The following ATXN2 variants were observed in gnomAD, a reference collection of about 807,000 sequenced individuals.
ATXN2 encodes the protein ataxin 2.
In ATXN2, 37 loss-of-function variants were observed where a neutral mutation model predicts 138.6. The ratio of observed to expected loss-of-function variants is 0.27; its 90% CI spans 0.21 to 0.35. The LOEUF (loss-of-function observed/expected upper bound fraction) is 0.35, where lower values mean the gene tolerates loss of function less well. ATXN2 is among the 10% of genes least tolerant of loss of function. The pLI, the probability that ATXN2 is intolerant of heterozygous loss-of-function variation, is 1.00. For missense variants in ATXN2, 1,216 were observed against 1,480.3 expected (o/e 0.82, Z 2.93); for synonymous variants, 549 against 543.7 (o/e 1.01, Z -0.13).
chr12:111,514,358 T>C (rs547339888), intron 10 of ATXN2, among the ~76,000 whole-genome samples: 11 of 152,264 alleles, frequency 7.2e-5, no homozygotes, highest in Non-Finnish European at 2.9e-5. Context: ...ATTAGACCAA[T>C]CTATCAGGTA....
Position 111,518,326 on chromosome 12 carries a change from G to A in ATXN2, c.1088C>T (p.Ser363Phe). Residue 363 changes from serine (S) to phenylalanine (F), a missense_variant, in exon 9 of 25, where the codon TCC becomes TTC. Physicochemically the swap from Ser to Phe is radical, Grantham distance 155. Around this residue, in one of 4 missense-constraint regions of ATXN2, gnomAD observed 401 missense variants for 528.1 expected, o/e 0.76. Coordinates refer to ENST00000673436, the MANE Select transcript of ATXN2 (RefSeq NM_001372574.1). Reference protein sequence around the residue: ...SPRMGQPGSGSMPSRSTSHTS... With the variant: ...SPRMGQPGSGFMPSRSTSHTS... ...GTGAGAAGTGGATCTTGATGGCATG[G>A]AGCCCGATCCAGGCTGGCCCATACG... 3.1e-6 allele frequency: 5 copies of A among 1,613,210 alleles called. No individual in the cohort carries two copies. The highest frequency in any genetic ancestry group is 4.2e-6 in the Non-Finnish European group (5 of 1,179,422).
intron 5 of ATXN2, 91 bp from the exon 6 acceptor site, chr12:111,525,407 A>G (rs1198213851): frequency 7.8e-6 from 10 of 1,284,910 alleles, no homozygotes; most frequent in Non-Finnish European, 1.0e-5. Context: ...ATATGTTAAA[A>G]AACAATTACG....
rs991132059 is a variant in ATXN2, at chr12:111,545,550, C to T, written c.571+6730G>A. On this transcript the variant is annotated intron_variant, in intron 5 of 24. Transcript: ENST00000673436. Reference sequence around the variant, plus strand: ...CTGCACTTCAGCCTGGGTGACAGACCGAGACTCCATCTAAAAAAAAAGAAA... The same window carrying T: ...CTGCACTTCAGCCTGGGTGACAGACTGAGACTCCATCTAAAAAAAAAGAAA... Among the ~76,000 whole-genome samples the T allele has an allele frequency of 2.0e-5, 3 of 151,328 alleles. No homozygotes were observed. The South Asian group carries it at 6.3e-4, about 32-fold the overall frequency.
intron 14 of ATXN2, among the ~76,000 whole-genome samples, chr12:111,497,881 T>C (rs1439435035): frequency 6.6e-6 from 1 of 152,022 alleles, no homozygotes; most frequent in Non-Finnish European, 1.5e-5. Flanking sequence ...CCGGGCGTGT[T>C]AGCGGACACC....
In ATXN2 at chr12:111,552,857, T is replaced by G. The variant is rs1488880310; in HGVS notation, c.420+49A>C. 1 of 1,303,752 alleles carries G rather than the reference T, an allele frequency of 7.7e-7. No homozygotes were observed. The highest frequency in any genetic ancestry group is 2.5e-5 in the Admixed American group (1 of 40,258). 80.8% of individuals were successfully genotyped at this position (1,303,752 alleles called of 1,614,324 possible). On this transcript the variant is annotated intron_variant, in intron 4 of 24. Transcript: ENST00000673436. The surrounding 1 kb of genome is among the most constrained non-coding windows in gnomAD (Gnocchi z 4.1). ...TAAAAACTAGGTAAAACACTGACTA[T>G]GAAAATGTTCTTTTACTTTGTAAGA...
intron 1 of ATXN2, among the ~76,000 whole-genome samples, chr12:111,560,165 C>T (rs565006345): frequency 1.3e-5 from 2 of 152,194 alleles, no homozygotes; most frequent in East Asian, 3.9e-4. Context: ...AATGCAGGCC[C>T]TCCATATCTG....
At chr12:111,589,995 A>T (rs1370674293) in intron 1 of ATXN2, among the ~76,000 whole-genome samples, 1 of 151,890 alleles carries the variant, frequency 6.6e-6, no homozygotes, top group Non-Finnish European at 1.5e-5. Flanking sequence ...AGATCACCTA[A>T]GGTCAGGAGT....
intron 1 of ATXN2, among the ~76,000 whole-genome samples, chr12:111,584,377 CAAAAAAAAAAA>C (rs58678794): frequency 3.4e-3 from 153 of 44,740 alleles, no homozygotes; most frequent in South Asian, 0.013. Context: ...GACCCTGTCT[CAAAAAAAAAAA>C]AAAAAAAAAA....
intron 1 of ATXN2, among the ~76,000 whole-genome samples, chr12:111,571,156 C>T (rs1883290175): frequency 6.6e-6 from 1 of 152,098 alleles, no homozygotes; most frequent in Admixed American, 6.6e-5. Flanking sequence ...AGCAGGGATG[C>T]GAATACTAAT....
chr12:111,517,571 T>C (rs1197970318), intron 9 of ATXN2, among the ~76,000 whole-genome samples: 1 of 152,186 alleles, frequency 6.6e-6, no homozygotes, highest in Non-Finnish European at 1.5e-5. Flanking sequence ...TATCCCTGAT[T>C]TATGGAAAAG....
At chr12:111,523,055 T>G (rs1592859693) in intron 6 of ATXN2, among the ~76,000 whole-genome samples, 2 of 149,774 alleles carry the variant, frequency 1.3e-5, no homozygotes, top group Admixed American at 1.3e-4. Flanking sequence ...CTGAGGCAGG[T>G]GGATCACGAG....
At chr12:111,583,765 T>TAAA (rs1884148587) in intron 1 of ATXN2, among the ~76,000 whole-genome samples, 3 of 9,426 alleles carry the variant, frequency 3.2e-4, no homozygotes, top group Non-Finnish European at 8.0e-4. Context: ...AGACTCCGAC[T>TAAA]CAAAAAAAAA....
rs1281425993 is a variant in ATXN2, at chr12:111,516,276, G to GC, written c.1252dup (p.Ala418GlyfsTer36). 1 of 1,573,678 alleles carries GC rather than the reference G, an allele frequency of 6.4e-7. No homozygotes were observed. ...GGAGGGCGGCCGTGTAGGGGTGGCTGCCCGAGGTGGAAGAGAGTTGGGACC... is the reference window on the plus strand; with the variant it reads ...GGAGGGCGGCCGTGTAGGGGTGGCTGCCCCGAGGTGGAAGAGAGTTGGGACC... On this transcript the variant is annotated frameshift_variant, in exon 10 of 25. Coordinates refer to ENST00000673436, the MANE Select transcript of ATXN2 (RefSeq NM_001372574.1). LOFTEE classifies it high-confidence loss of function. This position sits in a 1 kb window ranked among gnomAD's most constrained non-coding sequence, Gnocchi z 5.0.
At chr12:111,464,823 T>C in intron 20 of ATXN2, 108 bp from the exon 21 acceptor site, 2 of 828,436 alleles carry the variant, frequency 2.4e-6, no homozygotes, top group Admixed American at 2.0e-5. Flanking sequence ...CATGCATAAT[T>C]CATTTTCATA....
At chr12:111,580,837 A>G (rs1883957105) in intron 1 of ATXN2, among the ~76,000 whole-genome samples, 1 of 151,806 alleles carries the variant, frequency 6.6e-6, no homozygotes, top group South Asian at 2.1e-4. Flanking sequence ...GATGAAGAGA[A>G]AGAAAGGAAA....
intron 18 of ATXN2, 44 bp downstream of exon 18, chr12:111,485,221 G>T: frequency 6.5e-7 from 1 of 1,538,692 alleles, no homozygotes; most frequent in Non-Finnish European, 8.9e-7. Context: ...CTCAATTCAT[G>T]CAGCATGCAA....
chr12:111,470,983 C>A (rs2135674671), intron 18 of ATXN2: 1 of 494,674 alleles, frequency 2.0e-6, no homozygotes, highest in Non-Finnish European at 3.7e-6. Context: ...CAGGTGTCAG[C>A]TTGAAAGCAA....
At chr12:111,532,599 C>T (rs1037816270) in intron 5 of ATXN2, among the ~76,000 whole-genome samples, 4 of 152,052 alleles carry the variant, frequency 2.6e-5, no homozygotes, top group Admixed American at 1.3e-4. Context: ...TTGTTTGTTG[C>T]CCATATTTTT....
intron 1 of ATXN2, among the ~76,000 whole-genome samples, chr12:111,566,696 G>A (rs1251843700): frequency 1.3e-5 from 2 of 151,242 alleles, no homozygotes; most frequent in Non-Finnish European, 2.9e-5. Context: ...GAGTGCAAGG[G>A]CACAATCTCA....
Sources: gnomAD v4.1 joint callset for allele counts (sites outside exome capture counted in the v4.1 genomes callset) on GRCh38, gnomAD v4.1.1 for gene constraint, gnomAD v4.1.1 regional missense constraint, Gnocchi (gnomAD v3.1) non-coding constraint, MANE v1.5 for transcripts, NCBI Gene and HGNC (gene_info 2026-07-23, HGNC 2026-07-21) for gene names.